The following DNAJC12 variants were observed in gnomAD, a reference collection of about 807,000 sequenced individuals.
The protein encoded by DNAJC12 is DnaJ heat shock protein family (Hsp40) member C12, also known as dnaJ homolog subfamily C member 12.
DNAJC12 carries 25 observed loss-of-function variants against 28.5 expected under a neutral mutation model. The observed-to-expected ratio is 0.88, with a 90% CI of 0.64 to 1.22. The LOEUF (loss-of-function observed/expected upper bound fraction) is 1.22. Among genes scored for constraint, DNAJC12 ranks in the 50% most tolerant of loss-of-function variants. The probability of loss-of-function intolerance (pLI) is 0.00; values close to 1 mark genes in which losing one functional copy is unlikely to be tolerated. For synonymous variants in DNAJC12, 77 were observed against 80.6 expected (o/e 0.95, Z 0.24); for missense variants, 222 against 231.7 (o/e 0.96, Z 0.27).
intron 2 of DNAJC12, among the ~76,000 whole-genome samples, chr10:67,820,970 A>T (rs1043008669): frequency 1.1e-4 from 16 of 151,576 alleles, no homozygotes; most frequent in Non-Finnish European, 2.2e-4. Context: ...TTTAGTAGAG[A>T]CACAGTTTCT....
intron 2 of DNAJC12, among the ~76,000 whole-genome samples, chr10:67,818,114 A>G (rs1841933712): frequency 1.1e-5 from 1 of 88,942 alleles, no homozygotes; most frequent in African/African-American, 3.2e-5. Flanking sequence ...CTGAGGTGGG[A>G]GAACTGCTTG....
chr10:67,804,609 A>G (rs1228407377), intron 4 of DNAJC12, among the ~76,000 whole-genome samples: 1 of 152,252 alleles, frequency 6.6e-6, no homozygotes, highest in East Asian at 1.9e-4. Flanking sequence ...AGTAATACAG[A>G]TAATAAGTAG....
At position 67,819,714 on chromosome 10, in the gene DNAJC12, G is replaced by T. The variant is rs1380379220; in HGVS notation, c.157+3600C>A. On this transcript the variant is annotated intron_variant, in intron 2 of 4. Transcript: ENST00000225171. ...AGAAAGAAAGGAAGGAAGGAAGGAA[G>T]GAAGCAAGGAAGGAAGGAAGGAAGG... is the stretch of plus-strand genomic sequence containing the variant. 5.1e-4 allele frequency among the ~76,000 whole-genome samples: 7 copies of T among 13,726 alleles called. 1 individual carries two copies. The highest frequency in any genetic ancestry group is 1.4e-3 in the African/African-American group (7 of 4,864). 9.0% of individuals were successfully genotyped at this position (13,726 alleles called of 152,430 possible).
intron 2 of DNAJC12, among the ~76,000 whole-genome samples, chr10:67,812,868 A>G (rs1841875571): frequency 1.3e-5 from 2 of 151,440 alleles, no homozygotes; most frequent in Non-Finnish European, 2.9e-5. Context: ...AAAAAACAAA[A>G]AAAAGTAGCC....
chr10:67,837,096 TA>T, intron 1 of DNAJC12, among the ~76,000 whole-genome samples: 1 of 151,900 alleles, frequency 6.6e-6, no homozygotes, highest in Non-Finnish European at 1.5e-5. Flanking sequence ...TTGCAACCAC[TA>T]AAAAGTGTAC....
Position 67,837,928 on chromosome 10 carries a change from T to C in DNAJC12, c.78+6A>G. ...GTTGTGATAAAAATATTATCCACTGTCTTACCGAAGATAGTTCATCACATC... is the reference window on the plus strand; with the variant it reads ...GTTGTGATAAAAATATTATCCACTGCCTTACCGAAGATAGTTCATCACATC... On this transcript the variant is annotated splice_donor_region_variant and intron_variant, in intron 1 of 4. Transcript: ENST00000225171. The C allele has an allele frequency of 1.3e-6, 2 of 1,578,346 alleles. No individual in the cohort carries two copies. Among genetic ancestry groups the C allele is most frequent in the African/African-American group, 1.4e-5 (1 of 73,746 alleles).
At chr10:67,823,162 C>T in intron 2 of DNAJC12, 152 bp downstream of exon 2, 2 of 633,990 alleles carry the variant, frequency 3.2e-6, no homozygotes, top group Non-Finnish European at 5.5e-6. Flanking sequence ...CCTGCACAGC[C>T]CTCTCCCTTT....
Position 67,837,919 on chromosome 10 carries a change from T to C in DNAJC12, c.78+15A>G. ...AAGAATACTGTTGTGATAAAAATATTATCCACTGTCTTACCGAAGATAGTT... is the reference window on the plus strand; with the variant it reads ...AAGAATACTGTTGTGATAAAAATATCATCCACTGTCTTACCGAAGATAGTT... On this transcript the variant is annotated intron_variant, in intron 1 of 4. Transcript: ENST00000225171. 6.5e-7 allele frequency: 1 copy of C among 1,537,616 alleles called. No homozygotes were observed. Among genetic ancestry groups the C allele is most frequent in the Admixed American group, 1.8e-5 (1 of 54,084 alleles).
chr10:67,796,950 T>C lies in DNAJC12; in HGVS notation c.*166A>G. On this transcript the variant is annotated 3_prime_UTR_variant, in exon 5 of 5. Transcript: ENST00000225171. ...AAATTCATCTTCTGAATTTTTCTTA[T>C]TTAAAAAGCATTATGAGAACTGATT... 1 of 502,868 alleles carries C rather than the reference T, an allele frequency of 2.0e-6. No individual in the cohort carries two copies. Among genetic ancestry groups the C allele is most frequent in the South Asian group, 3.8e-5 (1 of 26,200 alleles). The allele number at this position is 502,868 out of a possible 1,614,324, so 31.2% of individuals were successfully genotyped here.
chr10:67,802,416 C>T (rs895254635), intron 4 of DNAJC12, among the ~76,000 whole-genome samples: 4 of 152,170 alleles, frequency 2.6e-5, no homozygotes, highest in African/African-American at 9.7e-5. Context: ...GCTAGTTTTA[C>T]CTATTGCCAT....
chr10:67,819,694 G>GAAAT (rs1564863239), intron 2 of DNAJC12, among the ~76,000 whole-genome samples: 1 of 18,696 alleles, frequency 5.3e-5, no homozygotes, highest in Non-Finnish European at 1.4e-4. Context: ...AAGAAAGAAA[G>GAAAT]AAAGGAAGGA....
intron 2 of DNAJC12, among the ~76,000 whole-genome samples, chr10:67,822,454 C>T (rs868464875): frequency 2.9e-4 from 44 of 151,860 alleles, no homozygotes; most frequent in Admixed American, 9.8e-4. Context: ...GGAAAAATAG[C>T]GAGAAGGGAA....
chr10:67,822,817 G>A (rs1467130633), intron 2 of DNAJC12, among the ~76,000 whole-genome samples: 1 of 151,466 alleles, frequency 6.6e-6, no homozygotes, highest in Non-Finnish European at 1.5e-5. Flanking sequence ...GTGAAACCCT[G>A]CCTACTAAAA....
chr10:67,799,017 AGCC>A (rs1564856329), intron 4 of DNAJC12, among the ~76,000 whole-genome samples: 15 of 151,986 alleles, frequency 9.9e-5, no homozygotes, highest in Non-Finnish European at 1.5e-4. Context: ...TGCCTGCCTC[AGCC>A]TCCCAAAGTG....
At chr10:67,828,395 A>G (rs1589612885) in intron 1 of DNAJC12, among the ~76,000 whole-genome samples, 1 of 152,166 alleles carries the variant, frequency 6.6e-6, no homozygotes, top group Admixed American at 6.5e-5. Flanking sequence ...GAATGTCTTC[A>G]CTTTTACAAT....
chr10:67,819,741 A>G (rs1029634730), intron 2 of DNAJC12, among the ~76,000 whole-genome samples: 17 of 25,238 alleles, frequency 6.7e-4, no homozygotes, highest in African/African-American at 2.5e-3. Flanking sequence ...GAAGGAAGGA[A>G]GGAAGGAAGG....
intron 3 of DNAJC12, among the ~76,000 whole-genome samples, chr10:67,809,899 A>G (rs1231722093): frequency 6.6e-6 from 1 of 152,160 alleles, no homozygotes; most frequent in Non-Finnish European, 1.5e-5. Context: ...TACAATGTAT[A>G]CTACTCAGGT....
At chr10:67,803,079 A>G (rs1841764141) in intron 4 of DNAJC12, among the ~76,000 whole-genome samples, 1 of 151,844 alleles carries the variant, frequency 6.6e-6, no homozygotes, top group African/African-American at 2.4e-5. Context: ...GCCTCAAGCA[A>G]TCCGCCCACC....
Position 67,796,959 on chromosome 10 carries a change from C to A in DNAJC12, c.*157G>T. ...TTCTGAATTTTTCTTATTTAAAAAG[C>A]ATTATGAGAACTGATTCAAGGATGG... On this transcript the variant is annotated 3_prime_UTR_variant, in exon 5 of 5. Transcript: ENST00000225171. The A allele has an allele frequency of 2.0e-6, 1 of 501,842 alleles. No individual in the cohort carries two copies. The highest frequency in any genetic ancestry group is 3.5e-4 in the Middle Eastern group (1 of 2,874). 31.1% of individuals were successfully genotyped at this position (501,842 alleles called of 1,614,324 possible).
Sources: allele counts gnomAD v4.1 joint callset (sites outside exome capture counted in the v4.1 genomes callset), GRCh38; gene constraint gnomAD v4.1.1; transcripts MANE v1.5; gene names NCBI Gene and HGNC (gene_info 2026-07-23, HGNC 2026-07-21).